Variants in ANKH observed in about 807,000 individuals in gnomAD.
The protein encoded by ANKH is ANKH inorganic pyrophosphate transport regulator.
ANKH carries 15 observed loss-of-function variants against 49.0 expected under a neutral mutation model. The observed-to-expected ratio is 0.31, with a 90% CI of 0.20 to 0.47. ANKH has a LOEUF of 0.47. Ranked by LOEUF, ANKH falls within the 20% of genes least tolerant of loss-of-function variation. The pLI, the probability that ANKH is intolerant of heterozygous loss-of-function variation, is 1.00. For synonymous variants in ANKH, 273 were observed against 260.0 expected, an observed-to-expected ratio of 1.05 and a Z score of -0.48; for missense variants, 429 against 652.0, an observed-to-expected ratio of 0.66 and a Z score of 3.72.
rs1737796275 is a variant in ANKH at position 14,725,498 on chromosome 5, T to C, written c.1012-8663A>G. 6.6e-6 allele frequency among the ~76,000 whole-genome samples: 1 copy of C among 152,248 alleles called. No homozygotes were observed. The highest frequency in any genetic ancestry group is 2.1e-4 in the South Asian group (1 of 4,830). ...ATCCCATCACGGATGGCCAGACCTC[T>C]GGCACTCATCTGCAAACCCCGAGCC... On this transcript the variant is annotated intron_variant, in intron 8 of 11. Coordinates refer to ENST00000284268, the MANE Select transcript of ANKH (RefSeq NM_054027.6). This position sits in a 1 kb window ranked among gnomAD's most constrained non-coding sequence, Gnocchi z 4.0.
chr5:14,749,384 T>G, intron 5 of ANKH, 78 bp from the exon 6 acceptor site: 1 of 1,512,602 alleles, frequency 6.6e-7, no homozygotes, highest in Non-Finnish European at 9.2e-7. Context: ...TCAAAGCTTT[T>G]CCTTCGTATG....
rs114534919 is a variant in ANKH, at chr5:14,819,993, A to G, written c.97-50802T>C. Among the ~76,000 whole-genome samples the G allele has an allele frequency of 1.8e-3, 279 of 152,220 alleles. 2 individuals carry two copies. The highest frequency in any genetic ancestry group is 6.5e-3 in the African/African-American group (269 of 41,516). On this transcript the variant is annotated intron_variant, in intron 1 of 11. Coordinates refer to ENST00000284268, the MANE Select transcript of ANKH (RefSeq NM_054027.6). ...ACTCATTATATAACGCCAATGGGAG[A>G]CACATGCCCATATATTTTGGACCAA...
chr5:14,829,184 C>CAAAAA (rs56223225), intron 1 of ANKH, among the ~76,000 whole-genome samples: 17 of 106,038 alleles, frequency 1.6e-4, no homozygotes, highest in Middle Eastern at 5.5e-3. Context: ...GACTCTGTCT[C>CAAAAA]AAAAAAAAAA....
chr5:14,715,448 CATT>C (rs1290853560), intron 9 of ANKH, among the ~76,000 whole-genome samples: 33 of 152,330 alleles, frequency 2.2e-4, no homozygotes, highest in African/African-American at 7.9e-4. Flanking sequence ...CCTTTCTTAA[CATT>C]GTGGCTTTGT....
intron 1 of ANKH, among the ~76,000 whole-genome samples, chr5:14,851,823 C>CA (rs1469841509): frequency 6.6e-6 from 1 of 152,216 alleles, no homozygotes; most frequent in African/African-American, 2.4e-5. Context: ...AGCTTCCTAG[C>CA]AGCTTATGGG....
intron 1 of ANKH, among the ~76,000 whole-genome samples, chr5:14,827,906 C>T (rs1443373315): frequency 1.3e-5 from 2 of 152,246 alleles, no homozygotes; most frequent in Non-Finnish European, 2.9e-5. Flanking sequence ...CAACAGTTTG[C>T]AACATTCCCA....
intron 1 of ANKH, among the ~76,000 whole-genome samples, chr5:14,822,769 G>A (rs911954272): frequency 6.6e-6 from 1 of 152,216 alleles, no homozygotes; most frequent in Non-Finnish European, 1.5e-5. Flanking sequence ...GTAATTGGCT[G>A]AGCGTGGTGG....
At chr5:14,755,225 T>C (rs927964768) in intron 4 of ANKH, among the ~76,000 whole-genome samples, 7 of 152,234 alleles carry the variant, frequency 4.6e-5, no homozygotes, top group African/African-American at 1.7e-4. Context: ...AAATTGTTCA[T>C]GCGCTATCCT....
chr5:14,780,140 C>A (rs560188249), intron 1 of ANKH, among the ~76,000 whole-genome samples: 1 of 151,262 alleles, frequency 6.6e-6, no homozygotes, highest in East Asian at 1.9e-4. Flanking sequence ...ATGAACGGTG[C>A]CTGGATGGGC....
Position 14,715,511 on chromosome 5 carries a change from C to T in ANKH, c.1141+1195G>A, listed in dbSNP as rs552351533. Among the ~76,000 whole-genome samples the T allele has an allele frequency of 5.9e-5, 9 of 152,184 alleles. No individual in the cohort carries two copies. In the East Asian group the frequency reaches 9.7e-4, roughly 16 times the overall value. On this transcript the variant is annotated intron_variant, in intron 9 of 11. Coordinates refer to ENST00000284268, the MANE Select transcript of ANKH (RefSeq NM_054027.6). ...ATTTAGGTGGATCTTTTGGGGAAAC[C>T]GATTTTTGACTAGGTGACACACCTG... is the stretch of plus-strand genomic sequence containing the variant.
chr5:14,728,467 C>T (rs1477753316), intron 8 of ANKH, among the ~76,000 whole-genome samples: 2 of 152,240 alleles, frequency 1.3e-5, no homozygotes, highest in African/African-American at 4.8e-5. Context: ...ATCCCCCATA[C>T]ACAAGAGAGG....
At chr5:14,865,195 G>A (rs915149018) in intron 1 of ANKH, among the ~76,000 whole-genome samples, 1 of 152,178 alleles carries the variant, frequency 6.6e-6, no homozygotes, top group Non-Finnish European at 1.5e-5. Context: ...GGGAGGCGGA[G>A]GTTGTGGTGA....
At chr5:14,752,045 C>T (rs1738737278) in intron 4 of ANKH, among the ~76,000 whole-genome samples, 1 of 152,194 alleles carries the variant, frequency 6.6e-6, no homozygotes, top group South Asian at 2.1e-4. Flanking sequence ...CCATGGCTCA[C>T]ACCTGTGATC....
chr5:14,856,519 C>T (rs1735251129), intron 1 of ANKH, among the ~76,000 whole-genome samples: 3 of 151,970 alleles, frequency 2.0e-5, no homozygotes, highest in African/African-American at 2.4e-5. Flanking sequence ...CATGATTTTT[C>T]GATCCACCAT....
chr5:14,858,499 C>A (rs1459212004), intron 1 of ANKH, among the ~76,000 whole-genome samples: 3 of 152,112 alleles, frequency 2.0e-5, no homozygotes, highest in Admixed American at 6.6e-5. Context: ...GTGCGGATCA[C>A]AAGGTCAGGA....
intron 2 of ANKH, among the ~76,000 whole-genome samples, chr5:14,766,005 G>A (rs1323353528): frequency 6.6e-6 from 1 of 152,132 alleles, no homozygotes; most frequent in African/African-American, 2.4e-5. Context: ...CATCACGTTG[G>A]GATGATTTTA....
At chr5:14,841,387 C>G (rs1054055290) in intron 1 of ANKH, among the ~76,000 whole-genome samples, 3 of 151,966 alleles carry the variant, frequency 2.0e-5, no homozygotes, top group Non-Finnish European at 2.9e-5. Context: ...ACCTCCGCCT[C>G]CCGGGTTCAA....
rs1736968637 is a variant in ANKH, at chr5:14,707,080, A to G, written c.*4117T>C. 6.6e-6 allele frequency: 1 copy of G among 152,212 alleles called. No individual in the cohort carries two copies. Among genetic ancestry groups the G allele is most frequent in the Non-Finnish European group, 1.5e-5 (1 of 68,038 alleles). 9.4% of individuals were successfully genotyped at this position (152,212 alleles called of 1,614,324 possible). A position where few individuals can be genotyped will look rare whatever the true frequency, so the allele number is the denominator to read the frequency against. On this transcript the variant is annotated 3_prime_UTR_variant, in exon 12 of 12. Coordinates refer to ENST00000284268, the MANE Select transcript of ANKH (RefSeq NM_054027.6). The stretch of plus-strand genomic sequence containing the variant: ...TTTTTCTGGACTGTGCACTAGTTTG[A>G]TTGATGAAGACGTCGTCCTAAGTTT...
At chr5:14,754,462 G>A (rs10036729) in intron 4 of ANKH, among the ~76,000 whole-genome samples, 37,910 of 151,864 alleles carry the variant, frequency 0.25, 6,159 homozygotes, top group African/African-American at 0.46. Context: ...AGTGATTAGA[G>A]TGAATAAGGC....
Sources: allele counts gnomAD v4.1 joint callset (sites outside exome capture counted in the v4.1 genomes callset), GRCh38; gene constraint gnomAD v4.1.1; non-coding constraint Gnocchi (gnomAD v3.1); transcripts MANE v1.5; gene names NCBI Gene and HGNC (gene_info 2026-07-23, HGNC 2026-07-21).